ELP4: variants seen among roughly 807,000 people sequenced by gnomAD.
ELP4 encodes elongator acetyltransferase complex subunit 4, also known as elongator complex protein 4.
A neutral mutation model predicts 48.9 loss-of-function variants in ELP4; 51 were observed. The observed-to-expected ratio is 1.04, with a 90% CI of 0.83 to 1.32. The LOEUF is 1.32. Among genes scored for constraint, ELP4 ranks in the 40% most tolerant of loss-of-function variants. The pLI is 0.00. For synonymous variants in ELP4, 210 were observed against 189.2 expected (o/e 1.11, Z -0.90); for missense variants, 519 against 514.6 (o/e 1.01, Z -0.08).
rs1348800627 is a variant in ELP4 at position 31,737,182 on chromosome 11, G to A, written c.1144-46211G>A. On this transcript the variant is annotated intron_variant, in intron 9 of 9. Coordinates refer to ENST00000640961, the MANE Select transcript of ELP4 (RefSeq NM_019040.5). ...TGTCCTTTGTAGAGACATGGATGAA[G>A]CTGGAAACCATCATTCTCAGCAAAC... Among the ~76,000 whole-genome samples the A allele has an allele frequency of 2.6e-5, 4 of 152,260 alleles. No individual in the cohort carries two copies. In the East Asian group the frequency reaches 5.8e-4, roughly 22 times the overall value.
Position 31,751,002 on chromosome 11 carries a change from T to G in ELP4, c.1144-32391T>G, listed in dbSNP as rs146842350. ...CCAGTATTTAACACCTCATTTTCAG[T>G]ATCTTTGCATATAGACTATAAAATG... On this transcript the variant is annotated intron_variant, in intron 9 of 9. Transcript: ENST00000640961. 1.8e-3 allele frequency among the ~76,000 whole-genome samples: 269 copies of G among 152,346 alleles called. 1 individual carries two copies. Among genetic ancestry groups the G allele is most frequent in the Non-Finnish European group, 3.2e-3 (218 of 68,036 alleles).
At chr11:31,773,316 A>C (rs964655923) in intron 9 of ELP4, among the ~76,000 whole-genome samples, 3 of 152,172 alleles carry the variant, frequency 2.0e-5, no homozygotes, top group African/African-American at 7.2e-5. Flanking sequence ...ATGCAGAGGG[A>C]AAGTTTATAG....
At chr11:31,694,757 G>T (rs1946362961) in intron 9 of ELP4, among the ~76,000 whole-genome samples, 1 of 152,148 alleles carries the variant, frequency 6.6e-6, no homozygotes, top group East Asian at 1.9e-4. Flanking sequence ...GGGCAGTACG[G>T]CCATTTTCAC....
At chr11:31,740,063 C>T (rs970411008) in intron 9 of ELP4, among the ~76,000 whole-genome samples, 2 of 152,156 alleles carry the variant, frequency 1.3e-5, no homozygotes, top group African/African-American at 4.8e-5. Context: ...GTTTTATAGT[C>T]AGAGGTTATA....
intron 8 of ELP4, chr11:31,648,676 C>T (rs1000888228): frequency 6.6e-6 from 1 of 151,270 alleles, no homozygotes; most frequent in Non-Finnish European, 1.5e-5. Context: ...TTATTTGAAG[C>T]CTGCTACCAG....
intron 9 of ELP4, among the ~76,000 whole-genome samples, chr11:31,712,905 A>G (rs1461095496): frequency 6.6e-6 from 1 of 152,186 alleles, no homozygotes; most frequent in East Asian, 1.9e-4. Flanking sequence ...ACCTTGCCTG[A>G]ATGAAGCCCT....
chr11:31,733,028 CAG>C (rs1374604371), intron 9 of ELP4, among the ~76,000 whole-genome samples: 3 of 152,260 alleles, frequency 2.0e-5, no homozygotes, highest in East Asian at 3.9e-4. Context: ...GGTAAGGAAA[CAG>C]AGGACTTGAA....
chr11:31,559,212 G>C lies in ELP4; in HGVS notation c.381+19429G>C, dbSNP rs186364762. Among the ~76,000 whole-genome samples, 297 of 152,280 alleles carry C rather than the reference G, an allele frequency of 2.0e-3. 1 individual carries two copies. Among genetic ancestry groups the C allele is most frequent in the South Asian group, 4.6e-3 (22 of 4,828 alleles). On this transcript the variant is annotated intron_variant, in intron 3 of 9. Transcript: ENST00000640961. ...CAAAGAAGATAGAGCTCTCTCTCCA[G>C]CTAGTGTTGGGGTGATTCCTTCAGT...
At chr11:31,665,229 A>T (rs1022247021) in intron 9 of ELP4, among the ~76,000 whole-genome samples, 1 of 152,138 alleles carries the variant, frequency 6.6e-6, no homozygotes, top group African/African-American at 2.4e-5. Context: ...GCCTGAGGTG[A>T]ACATAGCTAC....
In ELP4 at chr11:31,534,266, G is replaced by GGTGTGTGTGTGTGT. The variant is rs61054150; in HGVS notation, c.260-5383_260-5370dup. The stretch of plus-strand genomic sequence containing the variant: ...ATAAGGATGGGGAGAGAGGTGGATT[G>GGTGTGTGTGTGTGT]GTGTGTGTGTGTGTGTGTGTGTGTG... On this transcript the variant is annotated intron_variant, in intron 2 of 9. Coordinates refer to ENST00000640961, the MANE Select transcript of ELP4 (RefSeq NM_019040.5). Among the ~76,000 whole-genome samples, 122 of 148,230 alleles carry GGTGTGTGTGTGTGT rather than the reference G, an allele frequency of 8.2e-4. 1 individual carries two copies. The highest frequency in any genetic ancestry group is 2.8e-3 in the African/African-American group (114 of 40,254).
At chr11:31,584,042 G>A (rs796850464) in intron 3 of ELP4, among the ~76,000 whole-genome samples, 1 of 152,042 alleles carries the variant, frequency 6.6e-6, no homozygotes, top group Non-Finnish European at 1.5e-5. Context: ...TTATAACTGA[G>A]ATTAACAAAC....
intron 9 of ELP4, among the ~76,000 whole-genome samples, chr11:31,694,244 A>T (rs1224762009): frequency 6.6e-6 from 1 of 152,140 alleles, no homozygotes; most frequent in Non-Finnish European, 1.5e-5. Flanking sequence ...GCCCATGCCT[A>T]TGTCCTGAAT....
intron 2 of ELP4, among the ~76,000 whole-genome samples, chr11:31,522,763 T>C (rs552619299): frequency 1.8e-4 from 28 of 152,252 alleles, no homozygotes; most frequent in African/African-American, 6.7e-4. Context: ...ATTATATCAG[T>C]TCACCCTAAT....
intron 2 of ELP4, among the ~76,000 whole-genome samples, chr11:31,534,270 T>TGTGG (rs1442519931): frequency 1.3e-5 from 2 of 151,196 alleles, no homozygotes; most frequent in Admixed American, 6.6e-5. Flanking sequence ...TGGATTGGTG[T>TGTGG]GTGTGTGTGT....
At chr11:31,633,815 T>C (rs1944916127) in intron 7 of ELP4, 1 of 152,078 alleles carries the variant, frequency 6.6e-6, no homozygotes, top group Non-Finnish European at 1.5e-5. Flanking sequence ...ATTAGCCATG[T>C]ACTACATCCC....
intron 9 of ELP4, among the ~76,000 whole-genome samples, chr11:31,768,626 T>C (rs1309976835): frequency 6.6e-6 from 1 of 152,224 alleles, no homozygotes; most frequent in African/African-American, 2.4e-5. Context: ...TGTATTCACA[T>C]TCATACCAGG....
chr11:31,534,266 G>GGTCT (rs1554957204), intron 2 of ELP4, among the ~76,000 whole-genome samples: 2 of 148,126 alleles, frequency 1.4e-5, no homozygotes, highest in African/African-American at 5.0e-5. Flanking sequence ...GAGGTGGATT[G>GGTCT]GTGTGTGTGT....
intron 4 of ELP4, among the ~76,000 whole-genome samples, chr11:31,595,752 A>G (rs1957659547): frequency 6.6e-6 from 1 of 152,176 alleles, no homozygotes; most frequent in Admixed American, 6.6e-5. Context: ...CTCTACAGGA[A>G]TGTTCTGGGT....
At chr11:31,614,737 A>G (rs921744401) in intron 5 of ELP4, among the ~76,000 whole-genome samples, 1 of 152,178 alleles carries the variant, frequency 6.6e-6, no homozygotes, top group Admixed American at 6.6e-5. Flanking sequence ...TTTCCACCAA[A>G]AATTAATAAT....
Sources: gnomAD v4.1 joint callset for allele counts (sites outside exome capture counted in the v4.1 genomes callset) on GRCh38, gnomAD v4.1.1 for gene constraint, MANE v1.5 for transcripts, NCBI Gene and HGNC (gene_info 2026-07-23, HGNC 2026-07-21) for gene names.